Variants in AGAP3 observed in about 807,000 individuals in gnomAD.
AGAP3 encodes ArfGAP with GTPase domain, ankyrin repeat and PH domain 3.
In AGAP3, 24 loss-of-function variants were observed where a neutral mutation model predicts 96.9. The ratio of observed to expected loss-of-function variants is 0.25; its 90% CI spans 0.18 to 0.35. The LOEUF (loss-of-function observed/expected upper bound fraction) is 0.35, where lower values mean the gene tolerates loss of function less well. AGAP3 is among the 10% of genes least tolerant of loss of function. The pLI, the probability that AGAP3 is intolerant of heterozygous loss-of-function variation, is 1.00. For synonymous variants in AGAP3, 563 were observed against 536.1 expected, an observed-to-expected ratio of 1.05 and a Z score of -0.69; for missense variants, 876 against 1,254.2, an observed-to-expected ratio of 0.70 and a Z score of 4.55.
Position 151,142,877 on chromosome 7 carries a change from A to G in AGAP3, c.2273+243A>G, listed in dbSNP as rs964382804. Among the ~76,000 whole-genome samples the G allele has an allele frequency of 7.2e-5, 11 of 152,190 alleles. No individual in the cohort carries two copies. The highest frequency in any genetic ancestry group is 2.4e-4 in the African/African-American group (10 of 41,450). The stretch of plus-strand genomic sequence containing the variant: ...AGGGGCCAGCAGGAGGCGCATGCGC[A>G]GGGCCCCTATCACGGTGTGGTGCAG... On this transcript the variant is annotated intron_variant, in intron 16 of 17. Coordinates refer to ENST00000397238, the MANE Select transcript of AGAP3 (RefSeq NM_031946.7). This position sits in a 1 kb window ranked among gnomAD's most constrained non-coding sequence, Gnocchi z 7.5.
chr7:151,137,972 A>G (rs1800666542), intron 11 of AGAP3, 171 bp from the exon 12 acceptor site: 4 of 601,646 alleles, frequency 6.6e-6, no homozygotes, highest in South Asian at 2.0e-5. Context: ...TAAGGCACAC[A>G]GGGTCCCTGC....
intron 8 of AGAP3, 107 bp from the exon 9 acceptor site, chr7:151,123,687 T>C (rs1226986823): frequency 6.3e-6 from 10 of 1,578,688 alleles, no homozygotes; most frequent in African/African-American, 1.3e-5. Flanking sequence ...GACCCACTGC[T>C]AGGGCTGCCC....
Position 151,086,591 on chromosome 7 carries a change from C to A in AGAP3, c.-151C>A, listed in dbSNP as rs991866438. The A allele has an allele frequency of 7.4e-5, 11 of 148,300 alleles. No homozygotes were observed. The highest frequency in any genetic ancestry group is 2.7e-4 in the African/African-American group (11 of 40,932). 9.2% of individuals were successfully genotyped at this position (148,300 alleles called of 1,614,324 possible). On this transcript the variant is annotated 5_prime_UTR_variant, in exon 1 of 18. Coordinates refer to ENST00000397238, the MANE Select transcript of AGAP3 (RefSeq NM_031946.7). ...CCTGGCCTCGGCCTCCGGCCCCCGG[C>A]CCCCGGCTCCATGCGCTAGCCCCGC...
intron 11 of AGAP3, chr7:151,137,584 G>A (rs1414411104): frequency 6.6e-6 from 1 of 152,398 alleles, no homozygotes; most frequent in Non-Finnish European, 1.5e-5. Context: ...CCCCAGCCTT[G>A]GCTTTCCTAG....
intron 11 of AGAP3, among the ~76,000 whole-genome samples, chr7:151,134,866 C>T (rs369878618): frequency 1.9e-3 from 284 of 152,096 alleles, no homozygotes; most frequent in African/African-American, 6.4e-3. Flanking sequence ...CCGAGGCAGG[C>T]GATGGGTGGG....
At chr7:151,132,975 G>T (rs1800456518) in intron 10 of AGAP3, among the ~76,000 whole-genome samples, 1 of 152,222 alleles carries the variant, frequency 6.6e-6, no homozygotes, top group South Asian at 2.1e-4. Flanking sequence ...CAGCCTGGCG[G>T]GAAAGCAGTC....
Position 151,120,284 on chromosome 7 carries a change from G to A in AGAP3, c.1128+139G>A, listed in dbSNP as rs967072874. Reference sequence around the variant, plus strand: ...TGCAGTCTCTCCCTCAGATACACACGGCTCCCGAGGGTCCTTGCCGGTGCC... The same window carrying A: ...TGCAGTCTCTCCCTCAGATACACACAGCTCCCGAGGGTCCTTGCCGGTGCC... On this transcript the variant is annotated intron_variant, in intron 8 of 17. Coordinates refer to ENST00000397238, the MANE Select transcript of AGAP3 (RefSeq NM_031946.7). The A allele has an allele frequency of 2.8e-5, 26 of 917,942 alleles. No homozygotes were observed. The African/African-American group carries it at 3.5e-4, about 12-fold the overall frequency. The allele number at this position is 917,942 out of a possible 1,614,324, so 56.9% of individuals were successfully genotyped here. A position where few individuals can be genotyped will look rare whatever the true frequency, so the allele number is the denominator to read the frequency against.
At chr7:151,122,909 C>A (rs1799978203) in intron 8 of AGAP3, 1 of 1,492,376 alleles carries the variant, frequency 6.7e-7, no homozygotes, top group South Asian at 1.3e-5. Flanking sequence ...TCCAGAGACC[C>A]ACGGGAACCT....
In AGAP3 at chr7:151,108,878, T is replaced by A. The variant is rs1288243464; in HGVS notation, c.332-7915T>A. Among the ~76,000 whole-genome samples, 2 of 152,198 alleles carry A rather than the reference T, an allele frequency of 1.3e-5. No homozygotes were observed. Among genetic ancestry groups the A allele is most frequent in the African/African-American group, 4.8e-5 (2 of 41,460 alleles). On this transcript the variant is annotated intron_variant, in intron 1 of 17. Transcript: ENST00000397238. The surrounding 1 kb of genome is among the most constrained non-coding windows in gnomAD (Gnocchi z 4.2). ...AGAGGATGAACCAGAACACGAGTTC[T>A]GAACCTGGAACCCATGGCAGGGATT... is the stretch of plus-strand genomic sequence containing the variant.
intron 1 of AGAP3, among the ~76,000 whole-genome samples, chr7:151,107,783 G>A (rs1209015115): frequency 6.6e-6 from 1 of 152,238 alleles, no homozygotes; most frequent in Non-Finnish European, 1.5e-5. Flanking sequence ...TGGCCTGCCT[G>A]TTCAGAGAGA....
intron 11 of AGAP3, chr7:151,136,199 G>C (rs1301830836): frequency 2.0e-5 from 3 of 152,268 alleles, no homozygotes; most frequent in Admixed American, 2.0e-4. Context: ...TGAGGAGCAG[G>C]CCCAAGTGAG....
intron 3 of AGAP3, 86 bp from the exon 4 acceptor site, chr7:151,117,285 C>G: frequency 5.6e-6 from 9 of 1,595,228 alleles, no homozygotes; most frequent in Non-Finnish European, 7.7e-6. Flanking sequence ...CAGTCCTCTT[C>G]CCTCCCGCAT....
In AGAP3 at chr7:151,118,671, C is replaced by A. The variant is rs1289358406; in HGVS notation, c.969+39C>A. The A allele has an allele frequency of 6.2e-7, 1 of 1,601,802 alleles. No individual in the cohort carries two copies. Among genetic ancestry groups the A allele is most frequent in the African/African-American group, 1.3e-5 (1 of 74,974 alleles). On this transcript the variant is annotated intron_variant, in intron 7 of 17. Transcript: ENST00000397238. This position sits in a 1 kb window ranked among gnomAD's most constrained non-coding sequence, Gnocchi z 6.1. The stretch of plus-strand genomic sequence containing the variant: ...CCCGCCCTGCCCTTCCTGTCCCCAC[C>A]ATGTCTGTCTTGCCTCTGTGCGTCC...
chr7:151,133,365 T>C lies in AGAP3; in HGVS notation c.1327-1035T>C, dbSNP rs1800470152. ...TTGTCAAACAGTTTAAAGGGAAGCC[T>C]CTGGAGGAGAGGCTGGAAGCAGGAG... is the stretch of plus-strand genomic sequence containing the variant. On this transcript the variant is annotated intron_variant, in intron 10 of 17. Transcript: ENST00000397238. The surrounding 1 kb of genome is among the most constrained non-coding windows in gnomAD (Gnocchi z 5.4). Among the ~76,000 whole-genome samples, 1 of 152,100 alleles carries C rather than the reference T, an allele frequency of 6.6e-6. No homozygotes were observed. The highest frequency in any genetic ancestry group is 2.1e-4 in the South Asian group (1 of 4,830).
chr7:151,134,485 C>T lies in AGAP3; in HGVS notation c.1412C>T (p.Thr471Ile). 1 of 1,612,826 alleles carries T rather than the reference C, an allele frequency of 6.2e-7. No homozygotes were observed. Among genetic ancestry groups the T allele is most frequent in the South Asian group, 1.1e-5 (1 of 91,068 alleles). ...KVPGKRLPRA[T>I]PATAPGTSPR... ...CCAGGGAAGCGCCTGCCCCGAGCCA[C>T]ACCTGCCACAGCCCCGGGCACCAGC... Residue 471 changes from threonine (T) to isoleucine (I), a missense_variant, in exon 11 of 18, where the codon ACA becomes ATA. Thr to Ile is a moderately conservative substitution (Grantham distance 89). Transcript: ENST00000397238.
chr7:151,141,505 C>G lies in AGAP3; in HGVS notation c.1805-393C>G, dbSNP rs929647622. The stretch of plus-strand genomic sequence containing the variant: ...TGACATGTACGGATGGTGCCCACAC[C>G]CGCCTTCCCCCACCCTCTCCCAGTG... On this transcript the variant is annotated intron_variant, in intron 13 of 17. Transcript: ENST00000397238. This position sits in a 1 kb window ranked among gnomAD's most constrained non-coding sequence, Gnocchi z 4.2. 1.3e-5 allele frequency: 3 copies of G among 234,772 alleles called. No homozygotes were observed. Among genetic ancestry groups the G allele is most frequent in the African/African-American group, 6.8e-5 (3 of 44,162 alleles). 14.5% of individuals were successfully genotyped at this position (234,772 alleles called of 1,614,324 possible).
chr7:151,123,048 C>A, intron 8 of AGAP3: 1 of 1,303,266 alleles, frequency 7.7e-7, no homozygotes, highest in African/African-American at 1.6e-5. Flanking sequence ...GCCCCACGCC[C>A]GGCGCTGGCC....
intron 1 of AGAP3, chr7:151,116,526 G>A: frequency 1.9e-6 from 1 of 531,500 alleles, no homozygotes; most frequent in South Asian, 2.5e-5. Context: ...GCAGGAAGAG[G>A]AGGAAGGACA....
chr7:151,135,947 C>A (rs938747343), intron 11 of AGAP3, among the ~76,000 whole-genome samples: 1 of 152,082 alleles, frequency 6.6e-6, no homozygotes. Context: ...AGAAAGGAAG[C>A]CTGTGAGGTG....
Sources: gnomAD v4.1 joint callset for allele counts (sites outside exome capture counted in the v4.1 genomes callset) on GRCh38, gnomAD v4.1.1 for gene constraint, Gnocchi (gnomAD v3.1) non-coding constraint, MANE v1.5 for transcripts, NCBI Gene and HGNC (gene_info 2026-07-23, HGNC 2026-07-21) for gene names.